Variants in PLCG2 observed in about 807,000 individuals in gnomAD.
The protein encoded by PLCG2 is phospholipase C gamma 2, also known as 1-phosphatidylinositol 4,5-bisphosphate phosphodiesterase gamma-2.
Under a neutral mutation model 175.6 loss-of-function variants are expected in PLCG2, and 69 were observed. That is an observed-to-expected ratio of 0.39 (90% CI 0.32 to 0.48). The LOEUF (loss-of-function observed/expected upper bound fraction) is 0.48. Among genes scored for constraint, PLCG2 ranks in the 20% least tolerant of loss-of-function variants. The probability of loss-of-function intolerance (pLI) is 0.91; values close to 1 mark genes in which losing one functional copy is unlikely to be tolerated. For synonymous variants in PLCG2, 827 were observed against 624.0 expected, an observed-to-expected ratio of 1.33 and a Z score of -4.85; for missense variants, 1,798 against 1,650.9, an observed-to-expected ratio of 1.09 and a Z score of -1.54.
chr16:81,746,130 AAGTC>A (rs1334182581), intron 1 of PLCG2, among the ~76,000 whole-genome samples: 1 of 152,154 alleles, frequency 6.6e-6, no homozygotes, highest in Non-Finnish European at 1.5e-5. Flanking sequence ...ATTAACCCCA[AAGTC>A]AGACAGGACC....
chr16:81,954,698 C>T (rs191038677), intron 31 of PLCG2, among the ~76,000 whole-genome samples: 1 of 152,306 alleles, frequency 6.6e-6, no homozygotes, highest in African/African-American at 2.4e-5. Flanking sequence ...CATAGTATTC[C>T]ATGGTGTATA....
chr16:81,783,360 G>T (rs1269901933), intron 1 of PLCG2, among the ~76,000 whole-genome samples: 1 of 152,178 alleles, frequency 6.6e-6, no homozygotes, highest in African/African-American at 2.4e-5. Context: ...CAACGTGCAG[G>T]TTTGTTACAT....
chr16:81,907,851 C>T (rs1909445869), intron 16 of PLCG2, 77 bp downstream of exon 16: 1 of 1,003,304 alleles, frequency 1.0e-6, no homozygotes. Context: ...GGACCTCCTT[C>T]CCATGTGGCT....
intron 2 of PLCG2, among the ~76,000 whole-genome samples, chr16:81,773,643 C>T (rs117180575): frequency 9.4e-4 from 143 of 152,212 alleles, no homozygotes; most frequent in Non-Finnish European, 1.7e-3. Flanking sequence ...TAACAGGGTC[C>T]GCATGTTGAG....
chr16:81,790,398 A>T (rs760082320), intron 2 of PLCG2, among the ~76,000 whole-genome samples: 1 of 152,206 alleles, frequency 6.6e-6, no homozygotes, highest in African/African-American at 2.4e-5. Context: ...GGGAAAGCCA[A>T]TTATGTGTGA....
At chr16:81,754,035 G>A (rs1039889339) in intron 1 of PLCG2, among the ~76,000 whole-genome samples, 13 of 152,136 alleles carry the variant, frequency 8.5e-5, no homozygotes, top group African/African-American at 2.9e-4. Flanking sequence ...GCCCACCCCC[G>A]GGGAGAAGAT....
chr16:81,818,423 C>G (rs928595820), intron 2 of PLCG2, among the ~76,000 whole-genome samples: 4 of 152,168 alleles, frequency 2.6e-5, no homozygotes, highest in South Asian at 4.1e-4. Context: ...ATTCATTGTT[C>G]CTGTGTCATG....
At chr16:81,844,733 C>T (rs1182140071) in intron 2 of PLCG2, among the ~76,000 whole-genome samples, 1 of 152,240 alleles carries the variant, frequency 6.6e-6, no homozygotes, top group Non-Finnish European at 1.5e-5. Flanking sequence ...TTATAGTAGA[C>T]ATTCAGATAG....
intron 14 of PLCG2, among the ~76,000 whole-genome samples, chr16:81,903,506 C>G (rs758347081): frequency 3.3e-5 from 5 of 152,210 alleles, no homozygotes; most frequent in African/African-American, 4.8e-5. Flanking sequence ...CTTAGTCTTG[C>G]AGATGAGAAG....
intron 5 of PLCG2, among the ~76,000 whole-genome samples, chr16:81,867,495 T>G (rs1403385182): frequency 1.3e-5 from 2 of 152,192 alleles, no homozygotes; most frequent in Non-Finnish European, 2.9e-5. Context: ...TGCCTCAGTT[T>G]CCTCACCTGG....
At chr16:81,852,957 G>A (rs956016943) in intron 2 of PLCG2, among the ~76,000 whole-genome samples, 13 of 152,146 alleles carry the variant, frequency 8.5e-5, no homozygotes, top group Non-Finnish European at 1.8e-4. Context: ...ACAGCATGGT[G>A]GTCTCCAGGT....
At chr16:81,787,756 G>A (rs72834736) in intron 2 of PLCG2, among the ~76,000 whole-genome samples, 1 of 151,714 alleles carries the variant, frequency 6.6e-6, no homozygotes, top group Non-Finnish European at 1.5e-5. Context: ...CCAGACGTAA[G>A]CAACCGTTAA....
chr16:81,836,383 C>T (rs1180394522), intron 2 of PLCG2, among the ~76,000 whole-genome samples: 1 of 152,198 alleles, frequency 6.6e-6, no homozygotes, highest in Non-Finnish European at 1.5e-5. Flanking sequence ...TTTTTGCTGT[C>T]TGCAGGGGAG....
At chr16:81,826,227 C>T (rs887815304) in intron 2 of PLCG2, among the ~76,000 whole-genome samples, 1 of 152,222 alleles carries the variant, frequency 6.6e-6, no homozygotes, top group African/African-American at 2.4e-5. Flanking sequence ...ATCATGTCCA[C>T]CTCCTGGTTC....
intron 15 of PLCG2, 56 bp from the exon 16 acceptor site, chr16:81,907,629 C>G: frequency 7.7e-7 from 1 of 1,296,244 alleles, no homozygotes; most frequent in East Asian, 2.3e-5. Context: ...CTCCTGGGCT[C>G]CACAGTTGAT....
At chr16:81,755,370 A>AT (rs35525388) in intron 1 of PLCG2, among the ~76,000 whole-genome samples, 67,756 of 136,800 alleles carry the variant, frequency 0.5, 17,369 homozygotes, top group Non-Finnish European at 0.6. Flanking sequence ...CTAATTTTGT[A>AT]TTTTTTTTTT....
chr16:81,812,436 C>G (rs1227500677), intron 2 of PLCG2, among the ~76,000 whole-genome samples: 1 of 152,146 alleles, frequency 6.6e-6, no homozygotes, highest in Non-Finnish European at 1.5e-5. Context: ...TCTCTAATGA[C>G]CAGTGATGAT....
upstream of PLCG2, among the ~76,000 whole-genome samples, chr16:81,778,048 A>AAC (rs1567457813): frequency 3.0e-5 from 3 of 99,116 alleles, no homozygotes; most frequent in Non-Finnish European, 6.0e-5. Context: ...AAAAACAAAA[A>AAC]AAAAAACAAA....
chr16:81,896,308 T>G (rs1306505880), intron 13 of PLCG2, among the ~76,000 whole-genome samples: 1 of 151,096 alleles, frequency 6.6e-6, no homozygotes. Context: ...GTGTGATCAC[T>G]GAGGTCAGGA....
Sources: gnomAD v4.1 joint callset for allele counts (sites outside exome capture counted in the v4.1 genomes callset) on GRCh38, gnomAD v4.1.1 for gene constraint, MANE v1.5 for transcripts, NCBI Gene and HGNC (gene_info 2026-07-23, HGNC 2026-07-21) for gene names.